The following SLC19A3 variants were observed in gnomAD, a reference collection of about 807,000 sequenced individuals.
The protein encoded by SLC19A3 is solute carrier family 19 member 3, also known as thiamine transporter 2.
In SLC19A3, 31 loss-of-function variants were observed where a neutral mutation model predicts 40.2. That is an observed-to-expected ratio of 0.77 (90% CI 0.58 to 1.04). The LOEUF (loss-of-function observed/expected upper bound fraction) is 1.04, where lower values mean the gene tolerates loss of function less well. SLC19A3 is among the 50% of genes least tolerant of loss of function. The pLI is 0.00. For synonymous variants in SLC19A3, 212 were observed against 227.5 expected (o/e 0.93, Z 0.61); for missense variants, 592 against 596.7 (o/e 0.99, Z 0.08).
chr2:227,712,273 G>C (rs1201426758), intron 1 of SLC19A3, among the ~76,000 whole-genome samples: 1 of 151,746 alleles, frequency 6.6e-6, no homozygotes, highest in Non-Finnish European at 1.5e-5. Context: ...ACACACAAAG[G>C]CAAAGAAATT....
intron 4 of SLC19A3, among the ~76,000 whole-genome samples, chr2:227,693,982 T>C (rs544238630): frequency 2.0e-5 from 3 of 152,304 alleles, no homozygotes; most frequent in East Asian, 1.9e-4. Flanking sequence ...CTCAACATCA[T>C]TGATAAGAGA....
chr2:227,687,433 C>T lies in SLC19A3; in HGVS notation c.1455G>A (p.Glu485=). The part of the protein sequence containing the change: ...PSENPDVSHP[E]EESNIIMSTK... ...TTGACATGATGATATTACTCTCTTC[C>T]TCTGGGTGAGACACATCTGGATTCT... The change falls in exon 6 of 6, where the codon GAG becomes GAA. Residue 485 remains glutamate, a synonymous_variant. Coordinates refer to ENST00000644224, the MANE Select transcript of SLC19A3 (RefSeq NM_025243.4). 1.2e-6 allele frequency: 2 copies of T among 1,613,632 alleles called. No homozygotes were observed. The highest frequency in any genetic ancestry group is 1.7e-6 in the Non-Finnish European group (2 of 1,179,716).
intron 1 of SLC19A3, among the ~76,000 whole-genome samples, chr2:227,707,474 C>T (rs1206874356): frequency 6.6e-6 from 1 of 151,790 alleles, no homozygotes; most frequent in Non-Finnish European, 1.5e-5. Context: ...TCCCAGCTAC[C>T]TGGGAGGCTG....
intron 1 of SLC19A3, 80 bp downstream of exon 1, chr2:227,717,863 C>G (rs966382030): frequency 3.1e-6 from 3 of 970,794 alleles, no homozygotes; most frequent in South Asian, 4.8e-5. Context: ...TCTCCAAACC[C>G]GGGAAGAGAG....
chr2:227,702,263 A>G lies in SLC19A3; in HGVS notation c.56T>C (p.Leu19Pro), dbSNP rs142553867. 5 of 1,613,926 alleles carry G rather than the reference A, an allele frequency of 3.1e-6. No homozygotes were observed. The African/African-American group carries it at 6.7e-5, about 22-fold the overall frequency. The change falls in exon 2 of 6, where the codon CTC becomes CCC. Residue 19 changes from leucine to proline, a missense_variant. Physicochemically the swap from Leu to Pro is moderately conservative, Grantham distance 98. Coordinates refer to ENST00000644224, the MANE Select transcript of SLC19A3 (RefSeq NM_025243.4). ...SSSWIYPTVI[L>P]CLFGFFSMMR... is the part of the protein sequence containing the mutation. ...CATGGAGAAAAAACCAAATAAGCAG[A>G]GGATCACAGTGGGGTAAATCCAGGA... is the stretch of plus-strand genomic sequence containing the variant.
Position 227,696,029 on chromosome 2 carries a change from C to T in SLC19A3, c.1032G>A (p.Leu344=). The T allele has an allele frequency of 7.4e-6, 12 of 1,614,148 alleles. No homozygotes were observed. Among genetic ancestry groups the T allele is most frequent in the Non-Finnish European group, 1.0e-5 (12 of 1,180,028 alleles). Residue 344 remains leucine (L), a synonymous_variant, in exon 4 of 6, where the codon CTG becomes CTA. Transcript: ENST00000644224. ...VGYVKVNWDL[L]GELALVVFSV... ...AGAAGACCACCAGAGCCAGCTCTCCCAGAAGGTCCCAGTTGACTTTCACAT... is the reference window on the plus strand; with the variant it reads ...AGAAGACCACCAGAGCCAGCTCTCCTAGAAGGTCCCAGTTGACTTTCACAT...
At chr2:227,697,313 T>A (rs1016885369) in intron 3 of SLC19A3, among the ~76,000 whole-genome samples, 3 of 152,202 alleles carry the variant, frequency 2.0e-5, no homozygotes, top group Non-Finnish European at 4.4e-5. Context: ...TTTCTAAAAC[T>A]TTTTGTAAAT....
chr2:227,696,703 T>C (rs1469866776), intron 3 of SLC19A3, among the ~76,000 whole-genome samples: 1 of 152,064 alleles, frequency 6.6e-6, no homozygotes, highest in South Asian at 2.1e-4. Flanking sequence ...ACTTACAGAG[T>C]TCAAGAAATT....
At chr2:227,702,375 C>G in intron 1 of SLC19A3, 55 bp from the exon 2 acceptor site, 4 of 1,566,676 alleles carry the variant, frequency 2.6e-6, no homozygotes, top group Non-Finnish European at 3.5e-6. Flanking sequence ...TTTTAGCATC[C>G]TTGATGCGAT....
At chr2:227,697,396 T>C (rs193003500) in intron 3 of SLC19A3, among the ~76,000 whole-genome samples, 60 of 152,322 alleles carry the variant, frequency 3.9e-4, no homozygotes, top group African/African-American at 1.3e-3. Flanking sequence ...TTCCAGTTAC[T>C]AGGAAATAAA....
chr2:227,717,897 G>C (rs1026115356), intron 1 of SLC19A3, 46 bp downstream of exon 1: 2 of 984,572 alleles, frequency 2.0e-6, no homozygotes, highest in Non-Finnish European at 2.4e-6. Flanking sequence ...AAGACCGAGG[G>C]ATGACGGTGC....
Position 227,685,508 on chromosome 2 carries a change from A to G in SLC19A3, c.*1889T>C, listed in dbSNP as rs1040331392. 2.6e-4 allele frequency: 40 copies of G among 152,244 alleles called. No homozygotes were observed. The highest frequency in any genetic ancestry group is 4.7e-4 in the Non-Finnish European group (32 of 68,104). 9.4% of individuals were successfully genotyped at this position (152,244 alleles called of 1,614,324 possible). ...CCTCCCAGCCGGCCCCACCTCTAAC[A>G]TTGGGGATTACACTTCAACGTGAGA... is the stretch of plus-strand genomic sequence containing the variant. On this transcript the variant is annotated 3_prime_UTR_variant, in exon 6 of 6. Transcript: ENST00000644224.
In SLC19A3 at chr2:227,698,378, G is replaced by A. The variant is rs142375709; in HGVS notation, c.979+358C>T. Among the ~76,000 whole-genome samples the A allele has an allele frequency of 8.7e-3, 1,319 of 151,908 alleles. 14 individuals carry two copies. The highest frequency in any genetic ancestry group is 0.02 in the Middle Eastern group (6 of 294). On this transcript the variant is annotated intron_variant, in intron 3 of 5. Coordinates refer to ENST00000644224, the MANE Select transcript of SLC19A3 (RefSeq NM_025243.4). ...GGGTTTCACCGTGTTAGCCAGGATG[G>A]TCTCCATCTCCTGTCCTCGTGATTC...
intron 1 of SLC19A3, among the ~76,000 whole-genome samples, chr2:227,716,661 G>A (rs1574586331): frequency 6.6e-6 from 1 of 152,206 alleles, no homozygotes; most frequent in South Asian, 2.1e-4. Context: ...GCTCCCTCCC[G>A]TAACCTCATT....
rs745579805 is a variant in SLC19A3 at position 227,685,551 on chromosome 2, T to C, written c.*1846A>G. 3 of 152,218 alleles carry C rather than the reference T, an allele frequency of 2.0e-5. No homozygotes were observed. Among genetic ancestry groups the C allele is most frequent in the Non-Finnish European group, 2.9e-5 (2 of 68,074 alleles). 9.4% of individuals were successfully genotyped at this position (152,218 alleles called of 1,614,324 possible). ...ACGTGAGATTTGGTGGGGACACAGA[T>C]CCAAACCATATCAAAATCCAATTAA... On this transcript the variant is annotated 3_prime_UTR_variant, in exon 6 of 6. Coordinates refer to ENST00000644224, the MANE Select transcript of SLC19A3 (RefSeq NM_025243.4).
At chr2:227,705,676 A>G (rs548460867) in intron 1 of SLC19A3, among the ~76,000 whole-genome samples, 4 of 152,238 alleles carry the variant, frequency 2.6e-5, no homozygotes, top group African/African-American at 9.6e-5. Context: ...ATGAGAACGC[A>G]TGGACACATG....
At chr2:227,706,319 G>A (rs1695940702) in intron 1 of SLC19A3, 1 of 1,231,504 alleles carries the variant, frequency 8.1e-7, no homozygotes, top group African/African-American at 1.6e-5. Flanking sequence ...TCATACCTGT[G>A]AAAGCCAGAT....
At position 227,688,222 on chromosome 2, in the gene SLC19A3, T is replaced by C. The variant is rs777526582; in HGVS notation, c.1258A>G (p.Ile420Val). 5.0e-6 allele frequency: 8 copies of C among 1,614,134 alleles called. No individual in the cohort carries two copies. Among genetic ancestry groups the C allele is most frequent in the Non-Finnish European group, 5.1e-6 (6 of 1,179,980 alleles). ...TGATCTACTACAATCACAGTCATGATGGTCTGAATCACCAAGGCAATAAAG... is the reference window on the plus strand; with the variant it reads ...TGATCTACTACAATCACAGTCATGACGGTCTGAATCACCAAGGCAATAAAG... ...NTFIALVIQT[I>V]MTVIVVDQRG... The change falls in exon 5 of 6, where the codon ATC becomes GTC. Residue 420 changes from isoleucine (I) to valine (V), a missense_variant. By Grantham distance (29) the Ile-to-Val change is conservative. Coordinates refer to ENST00000644224, the MANE Select transcript of SLC19A3 (RefSeq NM_025243.4).
At chr2:227,708,066 A>C (rs1265128752) in intron 1 of SLC19A3, among the ~76,000 whole-genome samples, 3 of 152,196 alleles carry the variant, frequency 2.0e-5, no homozygotes, top group Non-Finnish European at 4.4e-5. Flanking sequence ...TGTATTCCAC[A>C]TAAGGCCACA....
Sources: allele counts gnomAD v4.1 joint callset (sites outside exome capture counted in the v4.1 genomes callset), GRCh38; gene constraint gnomAD v4.1.1; transcripts MANE v1.5; gene names NCBI Gene and HGNC (gene_info 2026-07-23, HGNC 2026-07-21).